Variants in TANC1 observed in about 807,000 individuals in gnomAD.
The protein encoded by TANC1 is protein TANC1.
TANC1 carries 77 observed loss-of-function variants against 149.7 expected under a neutral mutation model. The ratio of observed to expected loss-of-function variants is 0.51; its 90% CI spans 0.43 to 0.62. The LOEUF is 0.62. TANC1 is among the 20% of genes least tolerant of loss of function. The pLI is 0.00. For synonymous variants in TANC1, 854 were observed against 925.0 expected, an observed-to-expected ratio of 0.92 and a Z score of 1.39; for missense variants, 1,985 against 2,321.8, an observed-to-expected ratio of 0.85 and a Z score of 2.98.
intron 2 of TANC1, among the ~76,000 whole-genome samples, chr2:159,057,549 C>T (rs1217344104): frequency 6.6e-6 from 1 of 152,208 alleles, no homozygotes; most frequent in Non-Finnish European, 1.5e-5. Context: ...CAAGTTTCTC[C>T]ATTGCTCATA....
intron 2 of TANC1, among the ~76,000 whole-genome samples, chr2:159,064,204 A>G (rs570308262): frequency 6.6e-6 from 1 of 152,110 alleles, no homozygotes; most frequent in South Asian, 2.1e-4. Context: ...TTGTTAAGAG[A>G]AGTTTGTGTT....
intron 7 of TANC1, among the ~76,000 whole-genome samples, chr2:159,152,883 G>A (rs1292409279): frequency 6.6e-6 from 1 of 152,326 alleles, no homozygotes; most frequent in East Asian, 1.9e-4. Context: ...GCAGAGGAAA[G>A]AAATGGTGCT....
chr2:159,163,437 G>C lies in TANC1; in HGVS notation c.837G>C (p.Gly279=), dbSNP rs2054254063. 1.2e-6 allele frequency: 2 copies of C among 1,614,176 alleles called. No homozygotes were observed. Reference sequence around the variant, plus strand: ...CAGTGGCAGAAGAGGAGACCACCGGGTCAGCAGAGAGCACGCTGCCCAAAG... The same window carrying C: ...CAGTGGCAGAAGAGGAGACCACCGGCTCAGCAGAGAGCACGCTGCCCAAAG... The part of the protein sequence containing the change: ...CSPVAEEETT[G]SAESTLPKAE... The change falls in exon 8 of 27, where the codon GGG becomes GGC. Residue 279 remains glycine, a synonymous_variant. Transcript: ENST00000263635.
In TANC1 at chr2:159,123,232, G is replaced by T. The variant is rs541485510; in HGVS notation, c.260-12962G>T. On this transcript the variant is annotated intron_variant, in intron 4 of 26. Coordinates refer to ENST00000263635, the MANE Select transcript of TANC1 (RefSeq NM_033394.3). Reference sequence around the variant, plus strand: ...TGGGGCTGAAGAATTTCCTTCAGGTGCTCCCTTCCGATGGTGATTTTTTTC... The same window carrying T: ...TGGGGCTGAAGAATTTCCTTCAGGTTCTCCCTTCCGATGGTGATTTTTTTC... 1.7e-4 allele frequency among the ~76,000 whole-genome samples: 26 copies of T among 152,230 alleles called. No homozygotes were observed. The East Asian group carries it at 5.0e-3, about 29-fold the overall frequency.
chr2:159,076,442 C>A (rs1187358298), intron 3 of TANC1, among the ~76,000 whole-genome samples: 4 of 152,192 alleles, frequency 2.6e-5, no homozygotes, highest in African/African-American at 7.2e-5. Flanking sequence ...AAGCCATCCA[C>A]AGTACTTGAT....
chr2:159,057,016 A>G (rs774822114), intron 2 of TANC1, among the ~76,000 whole-genome samples: 1 of 152,184 alleles, frequency 6.6e-6, no homozygotes, highest in South Asian at 2.1e-4. Flanking sequence ...GCCTTTGAGG[A>G]TAGGAGCAGT....
intron 2 of TANC1, among the ~76,000 whole-genome samples, chr2:159,007,559 T>A (rs2037338842): frequency 6.6e-6 from 1 of 152,206 alleles, no homozygotes; most frequent in South Asian, 2.1e-4. Flanking sequence ...TTTTGTATCC[T>A]AGGAGCAATA....
chr2:159,137,874 C>T (rs1255786735), intron 5 of TANC1, among the ~76,000 whole-genome samples: 2 of 152,166 alleles, frequency 1.3e-5, no homozygotes, highest in African/African-American at 4.8e-5. Flanking sequence ...CTGGGAGTAT[C>T]GTTAAGGTTC....
intron 22 of TANC1, among the ~76,000 whole-genome samples, chr2:159,220,199 A>G (rs1575339959): frequency 6.6e-6 from 1 of 152,178 alleles, no homozygotes; most frequent in African/African-American, 2.4e-5. Flanking sequence ...TCATCCATAT[A>G]AATAAAACTT....
At chr2:159,191,172 C>G (rs763110913) in intron 16 of TANC1, among the ~76,000 whole-genome samples, 3 of 152,168 alleles carry the variant, frequency 2.0e-5, no homozygotes, top group Admixed American at 1.3e-4. Context: ...GGTTGGCTGG[C>G]TCCTTGTCAC....
At chr2:159,095,733 C>CAAAAA (rs61191170) in intron 3 of TANC1, among the ~76,000 whole-genome samples, 7 of 100,414 alleles carry the variant, frequency 7.0e-5, no homozygotes, top group African/African-American at 1.2e-4. Context: ...AAGACTGTCT[C>CAAAAA]AAAAAAAAAA....
At chr2:159,100,282 G>C (rs957495721) in intron 4 of TANC1, among the ~76,000 whole-genome samples, 1 of 152,108 alleles carries the variant, frequency 6.6e-6, no homozygotes, top group South Asian at 2.1e-4. Flanking sequence ...TGTTTTAGTG[G>C]GACTTTAGGT....
At chr2:159,224,434 A>G (rs1282901566) in intron 23 of TANC1, 70 bp downstream of exon 23, 4 of 1,577,772 alleles carry the variant, frequency 2.5e-6, no homozygotes, top group Non-Finnish European at 3.5e-6. Flanking sequence ...TAGACAGCAC[A>G]GAGAGTGACC....
intron 20 of TANC1, 33 bp downstream of exon 20, chr2:159,217,663 A>G (rs1002019208): frequency 6.2e-7 from 1 of 1,611,320 alleles, no homozygotes; most frequent in Non-Finnish European, 8.5e-7. Context: ...CTTCAGAAGC[A>G]ATGAGTGGGG....
chr2:159,182,220 A>C (rs995510106), intron 14 of TANC1, among the ~76,000 whole-genome samples: 2 of 152,122 alleles, frequency 1.3e-5, no homozygotes, highest in Admixed American at 6.6e-5. Flanking sequence ...AAAAAAAGAA[A>C]GAGTTTTCAT....
chr2:159,201,664 C>T (rs2058260196), intron 19 of TANC1, among the ~76,000 whole-genome samples: 1 of 152,140 alleles, frequency 6.6e-6, no homozygotes, highest in Admixed American at 6.5e-5. Flanking sequence ...AGCCACAGCA[C>T]AAGGATAGGA....
rs183052408 is a variant in TANC1 at position 159,001,734 on chromosome 2, C to A, written c.-16+545C>A. ...ACAGATGAGGAATCTCAGGTTTAAC[C>A]AGATTAGGCAACTTGCCCAAGGTCA... On this transcript the variant is annotated intron_variant, in intron 2 of 26. Transcript: ENST00000263635. This position sits in a 1 kb window ranked among gnomAD's most constrained non-coding sequence, Gnocchi z 4.3. Among the ~76,000 whole-genome samples the A allele has an allele frequency of 4.6e-5, 7 of 152,246 alleles. No homozygotes were observed. In the East Asian group the frequency reaches 1.4e-3, roughly 29 times the overall value.
rs76835982 is a variant in TANC1, at chr2:159,042,397, G to A, written c.-15-23499G>A. Reference sequence around the variant, plus strand: ...CTTGAAAACGAATGTTCTCCAGGACGTGTAGCAGTGAAAAGGACACTTCCC... The same window carrying A: ...CTTGAAAACGAATGTTCTCCAGGACATGTAGCAGTGAAAAGGACACTTCCC... On this transcript the variant is annotated intron_variant, in intron 2 of 26. Coordinates refer to ENST00000263635, the MANE Select transcript of TANC1 (RefSeq NM_033394.3). Among the ~76,000 whole-genome samples, 1,031 of 152,274 alleles carry A rather than the reference G, an allele frequency of 6.8e-3. 11 individuals carry two copies. The highest frequency in any genetic ancestry group is 0.023 in the African/African-American group (958 of 41,550).
chr2:159,045,587 A>G (rs1343285912), intron 2 of TANC1, among the ~76,000 whole-genome samples: 2 of 152,254 alleles, frequency 1.3e-5, no homozygotes, highest in African/African-American at 4.8e-5. Flanking sequence ...GAAGCCTCAG[A>G]TCTTCAAATT....
Sources: allele counts gnomAD v4.1 joint callset (sites outside exome capture counted in the v4.1 genomes callset), GRCh38; gene constraint gnomAD v4.1.1; non-coding constraint Gnocchi (gnomAD v3.1); transcripts MANE v1.5; gene names NCBI Gene and HGNC (gene_info 2026-07-23, HGNC 2026-07-21).